Variants in PRDM11 observed in about 807,000 individuals in gnomAD.
The protein encoded by PRDM11 is PR domain-containing protein 11.
A neutral mutation model predicts 97.8 loss-of-function variants in PRDM11; 20 were observed. That is an observed-to-expected ratio of 0.20 (90% confidence interval 0.14 to 0.30). The LOEUF (loss-of-function observed/expected upper bound fraction) is 0.30, where lower values mean the gene tolerates loss of function less well. Among genes scored for constraint, PRDM11 ranks in the 10% least tolerant of loss-of-function variants. PRDM11 has a pLI of 1.00. For synonymous variants in PRDM11, 599 were observed against 637.7 expected (o/e 0.94, Z 0.91); for missense variants, 1,139 against 1,555.2 (o/e 0.73, Z 4.50).
chr11:45,096,066 A>G (rs1055836280), intron 1 of PRDM11, among the ~76,000 whole-genome samples: 2 of 151,170 alleles, frequency 1.3e-5, no homozygotes, highest in African/African-American at 4.9e-5. Context: ...ACCACCCTCC[A>G]CTCCTTCTCA....
chr11:45,111,682 GC>G (rs1302369953), intron 1 of PRDM11, among the ~76,000 whole-genome samples: 1 of 152,136 alleles, frequency 6.6e-6, no homozygotes, highest in Admixed American at 6.5e-5. Context: ...ATAACCACAT[GC>G]ACTCGAACCC....
chr11:45,118,495 A>G (rs562347371), intron 1 of PRDM11, among the ~76,000 whole-genome samples: 1 of 152,364 alleles, frequency 6.6e-6, no homozygotes, highest in East Asian at 1.9e-4. Flanking sequence ...ATGATGACAC[A>G]TCATGACTAA....
At chr11:45,191,052 G>A (rs994255928) in intron 4 of PRDM11, among the ~76,000 whole-genome samples, 8 of 152,172 alleles carry the variant, frequency 5.3e-5, no homozygotes, top group Admixed American at 1.3e-4. Context: ...TCCAGGACCC[G>A]TGCAGGTATC....
chr11:45,184,295 C>T (rs1852623603), intron 4 of PRDM11, among the ~76,000 whole-genome samples: 1 of 152,206 alleles, frequency 6.6e-6, no homozygotes, highest in Non-Finnish European at 1.5e-5. Flanking sequence ...ATTAGGACTT[C>T]TGTCCTTTTA....
chr11:45,169,900 T>C (rs1281057854), intron 1 of PRDM11, among the ~76,000 whole-genome samples: 3 of 152,250 alleles, frequency 2.0e-5, no homozygotes, highest in East Asian at 3.8e-4. Context: ...ATCATGTGCC[T>C]ATCTTGCACC....
chr11:45,157,852 T>C (rs569142210), intron 1 of PRDM11, among the ~76,000 whole-genome samples: 1 of 152,278 alleles, frequency 6.6e-6, no homozygotes, highest in South Asian at 2.1e-4. Context: ...TGGGTACAGT[T>C]TGGGGTACAG....
Position 45,103,085 on chromosome 11 carries a change from G to A in PRDM11, c.96+7184G>A, listed in dbSNP as rs73464508. ...CAGCCCAGTGCTCATATAATCGTGAGCCCTAGCCTTGCATTTTCATTCTCT... is the reference window on the plus strand; with the variant it reads ...CAGCCCAGTGCTCATATAATCGTGAACCCTAGCCTTGCATTTTCATTCTCT... On this transcript the variant is annotated intron_variant, in intron 1 of 6. Transcript: ENST00000530656. 1.6e-3 allele frequency among the ~76,000 whole-genome samples: 238 copies of A among 152,326 alleles called. 1 individual carries two copies. Among genetic ancestry groups the A allele is most frequent in the African/African-American group, 4.8e-3 (199 of 41,572 alleles).
At chr11:45,137,003 A>AT (rs1471228696) in intron 1 of PRDM11, among the ~76,000 whole-genome samples, 3 of 149,878 alleles carry the variant, frequency 2.0e-5, no homozygotes, top group Non-Finnish European at 4.4e-5. Context: ...AAAAAAAAAA[A>AT]AGAAAAAAAA....
rs574484041 is a variant in PRDM11 at position 45,180,269 on chromosome 11, C to A, written c.-6-1492C>A. Among the ~76,000 whole-genome samples the A allele has an allele frequency of 1.4e-4, 21 of 152,348 alleles. No homozygotes were observed. In the South Asian group the frequency reaches 3.7e-3, roughly 27 times the overall value. On this transcript the variant is annotated intron_variant, in intron 1 of 7. Coordinates refer to ENST00000683152, the MANE Select transcript of PRDM11 (RefSeq NM_001384648.1). Reference sequence around the variant, plus strand: ...CCAGCGGGGAGTCCCTGGCATAACGCAGCCAGGAGGCAGTAGAGTGGCAGG... The same window carrying A: ...CCAGCGGGGAGTCCCTGGCATAACGAAGCCAGGAGGCAGTAGAGTGGCAGG...
At chr11:45,110,620 A>C (rs1211220732) in intron 1 of PRDM11, among the ~76,000 whole-genome samples, 1 of 152,218 alleles carries the variant, frequency 6.6e-6, no homozygotes, top group Non-Finnish European at 1.5e-5. Context: ...TCCCCGGCGC[A>C]ACGACCTCAC....
chr11:45,165,536 G>A (rs1029385101), intron 1 of PRDM11, among the ~76,000 whole-genome samples: 1 of 152,242 alleles, frequency 6.6e-6, no homozygotes, highest in African/African-American at 2.4e-5. Flanking sequence ...CAGGCGGGGG[G>A]CACATGTGAA....
chr11:45,190,338 G>A (rs1852865239), intron 4 of PRDM11, among the ~76,000 whole-genome samples: 1 of 152,018 alleles, frequency 6.6e-6, no homozygotes, highest in Admixed American at 6.6e-5. Flanking sequence ...AGTAGAGATG[G>A]GGTTTTACTG....
chr11:45,211,434 A>G (rs1853730284), intron 5 of PRDM11, among the ~76,000 whole-genome samples: 1 of 152,186 alleles, frequency 6.6e-6, no homozygotes, highest in South Asian at 2.1e-4. Flanking sequence ...CACAGGGATC[A>G]GCCCATACCC....
At chr11:45,213,692 G>A (rs1853862045) in intron 5 of PRDM11, 1 of 456,390 alleles carries the variant, frequency 2.2e-6, no homozygotes, top group African/African-American at 2.0e-5. Context: ...AGTCTGGGTG[G>A]TCTCAGTGGG....
Position 45,224,822 on chromosome 11 carries a change from C to A in PRDM11, c.1348C>A (p.Pro450Thr). ...PVLPPQVLELPEFSDPAASES... is the reference protein window; with the variant it reads ...PVLPPQVLELTEFSDPAASES... Reference sequence around the variant, plus strand: ...ATTGCCACCACAGGTACTGGAGCTCCCAGAGTTCTCGGACCCTGCAGGTAA... The same window carrying A: ...ATTGCCACCACAGGTACTGGAGCTCACAGAGTTCTCGGACCCTGCAGGTAA... Residue 450 changes from proline (P) to threonine (T), a missense_variant, in exon 7 of 8, where the codon CCA (proline) becomes ACA (threonine). Pro to Thr is a conservative substitution (Grantham distance 38, BLOSUM62 -1). Transcript: ENST00000683152. 1 of 1,614,036 alleles carries A rather than the reference C, an allele frequency of 6.2e-7. No homozygotes were observed. Among genetic ancestry groups the A allele is most frequent in the Non-Finnish European group, 8.5e-7 (1 of 1,180,042 alleles).
Position 45,224,832 on chromosome 11 carries a change from C to G in PRDM11, c.1358C>G (p.Ser453Trp). The G allele has an allele frequency of 6.2e-7, 1 of 1,613,960 alleles. No individual in the cohort carries two copies. The highest frequency in any genetic ancestry group is 8.5e-7 in the Non-Finnish European group (1 of 1,180,034). ...CAGGTACTGGAGCTCCCAGAGTTCT[C>G]GGACCCTGCAGGTAAGTTGGTTTGG... ...PPQVLELPEF[S>W]DPAASESMVS... The change falls in exon 7 of 8, where the codon TCG (serine) becomes TGG (tryptophan). Residue 453 changes from serine to tryptophan, a missense_variant. By Grantham distance (177) the Ser-to-Trp change is radical (BLOSUM62 -3). This residue lies in a region of PRDM11 where 710 missense variants were observed against 1,044.9 expected (regional missense o/e 0.68). Transcript: ENST00000683152.
chr11:45,213,018 C>G (rs1353530662), intron 5 of PRDM11: 1 of 410,744 alleles, frequency 2.4e-6, no homozygotes, highest in Non-Finnish European at 5.0e-6. Context: ...ACTACCAGGT[C>G]TCGGAAGAGA....
chr11:45,118,907 G>C (rs1338504118), intron 1 of PRDM11, among the ~76,000 whole-genome samples: 1 of 152,214 alleles, frequency 6.6e-6, no homozygotes, highest in African/African-American at 2.4e-5. Flanking sequence ...GAAAAGAGCT[G>C]TCAGAGTTTG....
chr11:45,152,645 T>G (rs1159497127), intron 1 of PRDM11, among the ~76,000 whole-genome samples: 1 of 152,262 alleles, frequency 6.6e-6, no homozygotes, highest in Admixed American at 6.5e-5. Flanking sequence ...GTGTTCAAAG[T>G]GCTTTATCTG....
Sources: allele counts gnomAD v4.1 joint callset (sites outside exome capture counted in the v4.1 genomes callset), GRCh38; gene constraint gnomAD v4.1.1; regional missense constraint gnomAD v4.1.1; transcripts MANE v1.5; gene names NCBI Gene and HGNC (gene_info 2026-07-23, HGNC 2026-07-21).